The following CMSS1 variants were observed in gnomAD, a reference collection of about 807,000 sequenced individuals.
The protein encoded by CMSS1 is cms1 ribosomal small subunit homolog.
Under a neutral mutation model 43.5 loss-of-function variants are expected in CMSS1, and 33 were observed. The observed-to-expected ratio is 0.76, with a 90% CI of 0.57 to 1.01. CMSS1 has a LOEUF of 1.01. CMSS1 is among the 50% of genes least tolerant of loss of function. The probability of loss-of-function intolerance (pLI) is 0.00; values close to 1 mark genes in which losing one functional copy is unlikely to be tolerated. For missense variants in CMSS1, 313 were observed against 326.4 expected (o/e 0.96, Z 0.32); for synonymous variants, 115 against 117.2 (o/e 0.98, Z 0.12).
At chr3:100,021,079 C>A (rs1280676065) in intron 1 of CMSS1, among the ~76,000 whole-genome samples, 2 of 152,140 alleles carry the variant, frequency 1.3e-5, no homozygotes, top group African/African-American at 4.8e-5. Context: ...TTTGCATTTT[C>A]TTAGTGCCAG....
In CMSS1 at chr3:100,063,458, A is replaced by C. The variant is rs537634422; in HGVS notation, c.65-83515A>C. 7.2e-5 allele frequency among the ~76,000 whole-genome samples: 11 copies of C among 152,264 alleles called. No individual in the cohort carries two copies. The South Asian group carries it at 2.3e-3, about 32-fold the overall frequency. On this transcript the variant is annotated intron_variant, in intron 1 of 9. Coordinates refer to ENST00000421999, the MANE Select transcript of CMSS1 (RefSeq NM_032359.4). The stretch of plus-strand genomic sequence containing the variant: ...GAATAGCTTTTTACTGTAACTCAGA[A>C]TGATGGCCTTAATTTTCTCCAGGTG...
At chr3:100,006,585 G>A (rs191777604) in intron 1 of CMSS1, among the ~76,000 whole-genome samples, 6 of 149,588 alleles carry the variant, frequency 4.0e-5, no homozygotes, top group African/African-American at 1.5e-4. Flanking sequence ...TACCCTTTTT[G>A]TTTAGTACTG....
intron 1 of CMSS1, among the ~76,000 whole-genome samples, chr3:100,028,985 C>CAGTT: frequency 6.6e-6 from 1 of 152,076 alleles, no homozygotes. Flanking sequence ...GTTACTTGAG[C>CAGTT]AGTTACTTGA....
intron 1 of CMSS1, among the ~76,000 whole-genome samples, chr3:99,972,638 A>T (rs1437010492): frequency 3.3e-5 from 5 of 152,190 alleles, no homozygotes. Context: ...GTGCTTATGA[A>T]ATGAGCCCAT....
chr3:99,983,410 ATATATATATGTATG>A (rs1186245084), intron 1 of CMSS1, among the ~76,000 whole-genome samples: 3 of 108,968 alleles, frequency 2.8e-5, no homozygotes, highest in African/African-American at 1.1e-4. Context: ...ATATATATAT[ATATATATATGTATG>A]TATGTATGTA....
intron 1 of CMSS1, among the ~76,000 whole-genome samples, chr3:100,066,995 C>A (rs1479214110): frequency 6.6e-6 from 1 of 152,144 alleles, no homozygotes; most frequent in Non-Finnish European, 1.5e-5. Flanking sequence ...GTGTCCCATA[C>A]ACATATTGAG....
intron 1 of CMSS1, chr3:99,848,445 A>G (rs372920695): frequency 4.3e-5 from 69 of 1,614,170 alleles, no homozygotes; most frequent in Middle Eastern, 1.7e-4. Flanking sequence ...CAGGTCTCAC[A>G]GGGCTGGCTA....
intron 1 of CMSS1, among the ~76,000 whole-genome samples, chr3:99,825,964 AG>A (rs956896295): frequency 6.6e-6 from 1 of 151,450 alleles, no homozygotes; most frequent in Non-Finnish European, 1.5e-5. Context: ...TTTTTAGTAG[AG>A]GGGGGTTTCA....
chr3:99,843,463 A>C (rs1216466890), intron 1 of CMSS1, among the ~76,000 whole-genome samples: 2 of 152,210 alleles, frequency 1.3e-5, no homozygotes, highest in African/African-American at 4.8e-5. Flanking sequence ...ATTTCCTACT[A>C]CAGATGTAAT....
chr3:99,924,208 T>C (rs1476097022), intron 1 of CMSS1: 3 of 1,606,486 alleles, frequency 1.9e-6, no homozygotes, highest in African/African-American at 1.3e-5. Flanking sequence ...AATGGGACAT[T>C]GTTTGCCCAA....
chr3:100,108,239 G>T (rs760016125), intron 1 of CMSS1, among the ~76,000 whole-genome samples: 1 of 152,216 alleles, frequency 6.6e-6, no homozygotes, highest in Non-Finnish European at 1.5e-5. Context: ...GCATTTTTCA[G>T]CCTTTCAGAA....
chr3:99,833,273 T>C (rs753859249), intron 1 of CMSS1: 5 of 1,607,556 alleles, frequency 3.1e-6, no homozygotes, highest in Non-Finnish European at 3.4e-6. Context: ...TAGGGAGCAG[T>C]AGAAAGAAGA....
chr3:100,058,554 G>C (rs2065504902), intron 1 of CMSS1, among the ~76,000 whole-genome samples: 1 of 152,122 alleles, frequency 6.6e-6, no homozygotes, highest in African/African-American at 2.4e-5. Flanking sequence ...CTCAGCTTTT[G>C]CTCCTCCAAC....
chr3:99,978,798 T>C (rs185810625), intron 1 of CMSS1, among the ~76,000 whole-genome samples: 1 of 151,018 alleles, frequency 6.6e-6, no homozygotes, highest in East Asian at 1.9e-4. Context: ...GGCACGAGAG[T>C]CACTTGAACC....
intron 1 of CMSS1, among the ~76,000 whole-genome samples, chr3:99,996,491 T>G (rs1709685244): frequency 6.6e-6 from 1 of 152,172 alleles, no homozygotes; most frequent in Non-Finnish European, 1.5e-5. Flanking sequence ...CCAAAGCCAC[T>G]TCCACATTTT....
chr3:100,047,765 T>C (rs1245590790), intron 1 of CMSS1, among the ~76,000 whole-genome samples: 1 of 152,162 alleles, frequency 6.6e-6, no homozygotes, highest in Admixed American at 6.5e-5. Flanking sequence ...CTGCTTCCTC[T>C]TTTAACTGAC....
chr3:99,870,775 CA>C (rs1220341204), intron 1 of CMSS1, among the ~76,000 whole-genome samples: 1 of 152,200 alleles, frequency 6.6e-6, no homozygotes, highest in African/African-American at 2.4e-5. Flanking sequence ...GGTTTACCCA[CA>C]GAAACTTTGG....
chr3:100,163,081 A>C (rs1240686408), intron 4 of CMSS1, among the ~76,000 whole-genome samples: 1 of 152,254 alleles, frequency 6.6e-6, no homozygotes, highest in African/African-American at 2.4e-5. Context: ...ACTGGATGCT[A>C]AACAGTATTT....
intron 1 of CMSS1, among the ~76,000 whole-genome samples, chr3:99,983,349 C>G (rs1709183562): frequency 7.0e-6 from 1 of 142,626 alleles, no homozygotes; most frequent in African/African-American, 2.6e-5. Flanking sequence ...GCCTGGCCAA[C>G]ATGGTGAAAC....
Sources: allele counts gnomAD v4.1 joint callset (sites outside exome capture counted in the v4.1 genomes callset), GRCh38; gene constraint gnomAD v4.1.1; transcripts MANE v1.5; gene names NCBI Gene and HGNC (gene_info 2026-07-23, HGNC 2026-07-21).